The following ACYP2 variants were observed in gnomAD, a reference collection of about 807,000 sequenced individuals.
ACYP2 encodes acylphosphatase 2, also known as acylphosphatase-2.
In ACYP2, 12 loss-of-function variants were observed where a neutral mutation model predicts 11.2. The observed-to-expected ratio is 1.08, with a 90% CI of 0.69 to 1.74. The LOEUF (loss-of-function observed/expected upper bound fraction) is 1.74. Ranked by LOEUF, ACYP2 falls within the 40% of genes most tolerant of loss-of-function variation. The pLI is 0.00. For synonymous variants in ACYP2, 43 were observed against 32.2 expected (o/e 1.33, Z -1.13); for missense variants, 134 against 101.9 (o/e 1.31, Z -1.35).
In ACYP2 at chr2:54,135,351, C is replaced by A. The variant is rs750925719; in HGVS notation, c.278-102C>A. Reference sequence around the variant, plus strand: ...TAAGTGAAACTGCAGAAGGTGAAACCAAGGATAAATGGGGACCACCTAGAT... The same window carrying A: ...TAAGTGAAACTGCAGAAGGTGAAACAAAGGATAAATGGGGACCACCTAGAT... On this transcript the variant is annotated intron_variant, in intron 4 of 6. Transcript: ENST00000607452. The A allele has an allele frequency of 7.8e-5, 83 of 1,061,056 alleles. 1 individual carries two copies. The highest frequency in any genetic ancestry group is 1.1e-4 in the Non-Finnish European group (82 of 720,472). 65.7% of individuals were successfully genotyped at this position (1,061,056 alleles called of 1,614,324 possible).
At chr2:54,265,539 AG>A (rs1418193670) in intron 6 of ACYP2, among the ~76,000 whole-genome samples, 6 of 152,312 alleles carry the variant, frequency 3.9e-5, no homozygotes, top group African/African-American at 1.2e-4. Flanking sequence ...GGCAGCTGAA[AG>A]GAATACCAAG....
intron 4 of ACYP2, among the ~76,000 whole-genome samples, chr2:54,127,304 A>G (rs913181810): frequency 2.6e-5 from 4 of 152,186 alleles, no homozygotes; most frequent in Non-Finnish European, 4.4e-5. Flanking sequence ...TATACAGACT[A>G]CAAATTTAGT....
intron 5 of ACYP2, 82 bp from the exon 3 acceptor site, chr2:54,138,557 T>G (rs1681403715): frequency 1.8e-6 from 2 of 1,083,500 alleles, no homozygotes; most frequent in South Asian, 3.1e-5. Flanking sequence ...AGGTTAGCAT[T>G]TTTTGGATAT....
At chr2:54,115,395 C>G in intron 4 of ACYP2, 2 of 610,036 alleles carry the variant, frequency 3.3e-6, no homozygotes, top group Non-Finnish European at 2.7e-6. Context: ...AACAGAGTAC[C>G]TTGATCAATT....
At chr2:54,015,671 ACACACACACACACACAC>A (rs1673647078) in intron 2 of ACYP2, among the ~76,000 whole-genome samples, 2 of 151,738 alleles carry the variant, frequency 1.3e-5, no homozygotes, top group African/African-American at 4.8e-5. Context: ...ACACACACAC[ACACACACACACACACAC>A]GGCAGAATCT....
intron 2 of ACYP2, among the ~76,000 whole-genome samples, chr2:53,986,700 C>A (rs111251109): frequency 0.024 from 3,662 of 150,820 alleles, 144 homozygotes; most frequent in African/African-American, 0.085. Context: ...TCTTGGGTCA[C>A]TGCAACCTCT....
At chr2:54,068,070 A>C (rs1241975876) in intron 4 of ACYP2, among the ~76,000 whole-genome samples, 2 of 152,202 alleles carry the variant, frequency 1.3e-5, no homozygotes, top group African/African-American at 2.4e-5. Flanking sequence ...GTCACTGATA[A>C]GCCAGCTTAG....
intron 4 of ACYP2, among the ~76,000 whole-genome samples, chr2:54,112,234 G>A (rs1277218978): frequency 3.9e-5 from 6 of 152,094 alleles, no homozygotes; most frequent in Non-Finnish European, 8.8e-5. Flanking sequence ...TCAAAGAAGG[G>A]AATTAACAGG....
Position 53,975,249 on chromosome 2 carries a change from A to T in ACYP2, c.62+1439A>T, listed in dbSNP as rs1234400820. The T allele has an allele frequency of 4.5e-5, 18 of 398,422 alleles. No individual in the cohort carries two copies. In the South Asian group the frequency reaches 8.9e-4, roughly 20 times the overall value. The allele number at this position is 398,422 out of a possible 1,614,324, so 24.7% of individuals were successfully genotyped here. ...AAAAAAAAAAAAAAAAATTCAGAGAAGCAGTTCCAGATGACAATGAGCTCC... is the reference window on the plus strand; with the variant it reads ...AAAAAAAAAAAAAAAAATTCAGAGATGCAGTTCCAGATGACAATGAGCTCC... On this transcript the variant is annotated intron_variant, in intron 2 of 6. Transcript: ENST00000607452.
chr2:53,982,869 TGTGTGA>T (rs1320201661), intron 2 of ACYP2, among the ~76,000 whole-genome samples: 37 of 135,744 alleles, frequency 2.7e-4, no homozygotes, highest in African/African-American at 9.2e-4. Flanking sequence ...TGTGTGTGTG[TGTGTGA>T]TATAAATAGG....
At chr2:54,298,313 G>T (rs558099681) in intron 6 of ACYP2, among the ~76,000 whole-genome samples, 2 of 150,236 alleles carry the variant, frequency 1.3e-5, no homozygotes, top group African/African-American at 4.9e-5. Flanking sequence ...TTCATATAAG[G>T]CAATCACATA....
rs1687436935 is a variant in ACYP2, at chr2:54,255,217, A to G, written c.405-49471A>G. 4 of 1,614,140 alleles carry G rather than the reference A, an allele frequency of 2.5e-6. No homozygotes were observed. In the African/African-American group the frequency reaches 4.0e-5, roughly 16 times the overall value. On this transcript the variant is annotated intron_variant, in intron 6 of 6. Transcript: ENST00000607452. ...TTGGCCGAAGGATCTGACCTCATAC[A>G]CCTTTACAATCAGCTTGTTTCTGAA...
intron 2 of ACYP2, among the ~76,000 whole-genome samples, chr2:54,012,706 G>T (rs902543744): frequency 1.3e-5 from 2 of 152,024 alleles, no homozygotes; most frequent in African/African-American, 4.8e-5. Flanking sequence ...TCTGTCTGGC[G>T]CGGGTTGTTT....
At chr2:53,978,573 A>G (rs776592790) in intron 2 of ACYP2, among the ~76,000 whole-genome samples, 40 of 152,122 alleles carry the variant, frequency 2.6e-4, no homozygotes, top group Non-Finnish European at 5.0e-4. Context: ...CGAACCTACT[A>G]CACTTCCAGT....
At chr2:54,177,244 T>A (rs1683500289) in intron 6 of ACYP2, among the ~76,000 whole-genome samples, 3 of 152,116 alleles carry the variant, frequency 2.0e-5, no homozygotes, top group Admixed American at 2.0e-4. Flanking sequence ...AAGGCACTGA[T>A]AGGAGATCAG....
At chr2:54,105,302 T>C (rs974493234) in intron 4 of ACYP2, among the ~76,000 whole-genome samples, 2 of 152,116 alleles carry the variant, frequency 1.3e-5, no homozygotes, top group African/African-American at 4.8e-5. Flanking sequence ...TTCTTTCAGT[T>C]TCTCCTACTT....
intron 4 of ACYP2, among the ~76,000 whole-genome samples, chr2:54,100,525 C>T (rs1678838074): frequency 6.6e-6 from 1 of 151,668 alleles, no homozygotes; most frequent in South Asian, 2.1e-4. Context: ...CCCAGGCTGG[C>T]CTTGAACTCC....
At chr2:54,174,990 C>G (rs1683379080) in intron 6 of ACYP2, among the ~76,000 whole-genome samples, 1 of 152,136 alleles carries the variant, frequency 6.6e-6, no homozygotes, top group South Asian at 2.1e-4. Context: ...CTAAAATTCT[C>G]TTTTTTTGTT....
chr2:54,007,989 A>G (rs956666540), intron 2 of ACYP2, among the ~76,000 whole-genome samples: 1 of 152,250 alleles, frequency 6.6e-6, no homozygotes, highest in African/African-American at 2.4e-5. Context: ...AGCTCGGCCT[A>G]TGCCCAGGAA....
Sources: gnomAD v4.1 joint callset for allele counts (sites outside exome capture counted in the v4.1 genomes callset) on GRCh38, gnomAD v4.1.1 for gene constraint, MANE v1.5 for transcripts, NCBI Gene and HGNC (gene_info 2026-07-23, HGNC 2026-07-21) for gene names.